Variants in AHSA1 observed in about 807,000 individuals in gnomAD.
AHSA1 encodes the protein activator of 90 kDa heat shock protein ATPase homolog 1.
Under a neutral mutation model 46.1 loss-of-function variants are expected in AHSA1, and 14 were observed. That is an observed-to-expected ratio of 0.30 (90% CI 0.20 to 0.47). The LOEUF (loss-of-function observed/expected upper bound fraction) is 0.47, where lower values mean the gene tolerates loss of function less well. Ranked by LOEUF, AHSA1 falls within the 20% of genes least tolerant of loss-of-function variation. The pLI, the probability that AHSA1 is intolerant of heterozygous loss-of-function variation, is 0.99. For synonymous variants in AHSA1, 147 were observed against 145.8 expected (o/e 1.01, Z -0.06); for missense variants, 333 against 415.9 (o/e 0.80, Z 1.73).
chr14:77,462,845 G>C, intron 4 of AHSA1, 86 bp downstream of exon 4: 10 of 1,127,896 alleles, frequency 8.9e-6, no homozygotes, highest in Non-Finnish European at 1.3e-5. Flanking sequence ...TCCTTTCTTT[G>C]GCAAATGGGT....
At chr14:77,466,938 T>C (rs1356940243) in intron 6 of AHSA1, among the ~76,000 whole-genome samples, 1 of 152,258 alleles carries the variant, frequency 6.6e-6, no homozygotes. Context: ...TTTCAGAGTT[T>C]TAAAATACTT....
In AHSA1 at chr14:77,462,581, A is replaced by G. The variant is rs1275328750; in HGVS notation, c.355-61A>G. The G allele has an allele frequency of 6.1e-6, 9 of 1,472,744 alleles. No homozygotes were observed. In the East Asian group the frequency reaches 2.0e-4, roughly 33 times the overall value. 91.2% of individuals were successfully genotyped at this position (1,472,744 alleles called of 1,614,324 possible). ...GCAGTCACCTGATTGCTCAGCCCCC[A>G]CATTCCATAATGAGGGTGCCCCTCA... On this transcript the variant is annotated intron_variant, in intron 3 of 8. Coordinates refer to ENST00000216479, the MANE Select transcript of AHSA1 (RefSeq NM_012111.3).
intron 4 of AHSA1, among the ~76,000 whole-genome samples, chr14:77,463,543 G>T (rs530761233): frequency 7.2e-6 from 1 of 138,336 alleles, no homozygotes; most frequent in Non-Finnish European, 1.5e-5. Flanking sequence ...CCAAGAACGC[G>T]CCATTGCACT....
chr14:77,459,006 G>A (rs1393775031), intron 1 of AHSA1, among the ~76,000 whole-genome samples: 3 of 152,188 alleles, frequency 2.0e-5, no homozygotes, highest in Admixed American at 2.0e-4. Context: ...TTGATAAGTA[G>A]GAAGGCAGAT....
At chr14:77,460,514 G>A (rs1197353137) in intron 2 of AHSA1, among the ~76,000 whole-genome samples, 3 of 151,014 alleles carry the variant, frequency 2.0e-5, no homozygotes, top group Non-Finnish European at 4.4e-5. Flanking sequence ...TGTTTTTAAA[G>A]TACACTCGAA....
chr14:77,461,335 C>A (rs1227431284), intron 2 of AHSA1, among the ~76,000 whole-genome samples: 1 of 152,092 alleles, frequency 6.6e-6, no homozygotes, highest in African/African-American at 2.4e-5. Context: ...TGGAGACACA[C>A]CTGGCCAACA....
At position 77,464,658 on chromosome 14, in the gene AHSA1, A is replaced by G. The variant is rs764105255; in HGVS notation, c.533A>G (p.Gln178Arg). 6.2e-7 allele frequency: 1 copy of G among 1,614,032 alleles called. No homozygotes were observed. The highest frequency in any genetic ancestry group is 8.5e-7 in the Non-Finnish European group (1 of 1,180,018). The stretch of plus-strand genomic sequence containing the variant: ...GGAGAGTCAGTAGACCCAGTGGGGC[A>G]GCCAGCACTGAAAACTGAGGAGCGC... Reference protein sequence around the residue: ...MNGESVDPVGQPALKTEERKA... With the variant: ...MNGESVDPVGRPALKTEERKA... The change falls in exon 5 of 9, where the codon CAG (glutamine) becomes CGG (arginine). Residue 178 changes from glutamine to arginine, a missense_variant. Physicochemically the swap from Gln to Arg is conservative, Grantham distance 43. Transcript: ENST00000216479.
rs1220908074 is a variant in AHSA1, at chr14:77,462,499, C to G, written c.355-143C>G. 6.1e-6 allele frequency: 5 copies of G among 824,894 alleles called. No homozygotes were observed. In the East Asian group the frequency reaches 9.8e-5, roughly 16 times the overall value. 51.1% of individuals were successfully genotyped at this position (824,894 alleles called of 1,614,324 possible). ...TTGACAGAGAGGACTCAAGAAGGAA[C>G]ACTAATGGGGATTGTACGAATACCG... is the stretch of plus-strand genomic sequence containing the variant. On this transcript the variant is annotated intron_variant, in intron 3 of 8. Transcript: ENST00000216479.
intron 4 of AHSA1, 29 bp from the exon 5 acceptor site, chr14:77,464,541 CTCCAGATCTCAGCTACTAAGAAGTAACT>C (rs2079039818): frequency 7.0e-7 from 1 of 1,436,582 alleles, no homozygotes; most frequent in Admixed American, 1.8e-5. Flanking sequence ...TGTAATGAAA[CTCCAGATCTCAGCTACTAAGAAGTAACT>C]TCCATGAGCT....
chr14:77,468,138 A>C lies in AHSA1; in HGVS notation c.746A>C (p.Lys249Thr). 6.4e-7 allele frequency: 1 copy of C among 1,566,578 alleles called. No individual in the cohort carries two copies. The highest frequency in any genetic ancestry group is 8.7e-7 in the Non-Finnish European group (1 of 1,154,446). ...ACATTAGAAGCAGACAGAGGTGGAA[A>C]GTTCCACATGGTAGATGGCAACGTC... Reference protein sequence around the residue: ...PATLEADRGGKFHMVDGNVSG... With the variant: ...PATLEADRGGTFHMVDGNVSG... The change falls in exon 7 of 9, where the codon AAG becomes ACG. Residue 249 changes from lysine to threonine, a missense_variant. Transcript: ENST00000216479.
intron 5 of AHSA1, 69 bp downstream of exon 5, chr14:77,464,755 A>G (rs1411326002): frequency 1.8e-5 from 24 of 1,361,018 alleles, no homozygotes; most frequent in South Asian, 5.0e-5. Flanking sequence ...TTAATTCCAC[A>G]TATCAGCTCT....
chr14:77,466,862 T>C (rs929972513), intron 6 of AHSA1, among the ~76,000 whole-genome samples: 6 of 152,268 alleles, frequency 3.9e-5, no homozygotes, highest in African/African-American at 1.2e-4. Flanking sequence ...GTGGTCTTCA[T>C]GTGAATTGAA....
rs779209793 is a variant in AHSA1 at position 77,468,049 on chromosome 14, CTCTTT to C, written c.691-32_691-28del. 4.0e-3 allele frequency: 2,867 copies of C among 716,378 alleles called. 1 individual carries two copies. Among genetic ancestry groups the C allele is most frequent in the East Asian group, 0.024 (483 of 19,768 alleles). 44.4% of individuals were successfully genotyped at this position (716,378 alleles called of 1,614,324 possible). On this transcript the variant is annotated intron_variant, in intron 6 of 8. Transcript: ENST00000216479. ...CCACTGAAAGCCATGTATCTTCTGCCTCTTTTTTTTTTTTTTTTTTTTTTTCCCTG... is the reference window on the plus strand; with the variant it reads ...CCACTGAAAGCCATGTATCTTCTGCCTTTTTTTTTTTTTTTTTTTTCCCTG...
At position 77,459,701 on chromosome 14, in the gene AHSA1, T is replaced by G. The variant is rs377223609; in HGVS notation, c.166T>G (p.Cys56Gly). The change falls in exon 2 of 9, where the codon TGT (cysteine) becomes GGT (glycine). Residue 56 changes from cysteine (C) to glycine (G), a missense_variant. Physicochemically the swap from Cys to Gly is radical, Grantham distance 159. Transcript: ENST00000216479. The part of the protein sequence containing the change: ...AVQVQNEEGK[C>G]EVTEVSKLDG... ...GCAGGTTCAAAATGAAGAAGGCAAG[T>G]GTGAGGTGACGGAAGTGAGTAAGCT... is the stretch of plus-strand genomic sequence containing the variant. The G allele has an allele frequency of 1.2e-6, 2 of 1,614,026 alleles. No homozygotes were observed. The highest frequency in any genetic ancestry group is 8.5e-7 in the Non-Finnish European group (1 of 1,180,030).
chr14:77,460,639 C>T (rs2079018119), intron 2 of AHSA1, among the ~76,000 whole-genome samples: 2 of 150,498 alleles, frequency 1.3e-5, no homozygotes, highest in South Asian at 4.2e-4. Flanking sequence ...GATCTTGGCT[C>T]ACTGCAACCT....
chr14:77,458,384 T>A, intron 1 of AHSA1, 115 bp downstream of exon 1: 1 of 1,073,760 alleles, frequency 9.3e-7, no homozygotes, highest in Non-Finnish European at 1.3e-6. Context: ...TGTCCGGAGA[T>A]GGGGGTGGGT....
At chr14:77,468,721 CTTTTTTTT>C (rs572116649) in intron 8 of AHSA1, 13 of 224,432 alleles carry the variant, frequency 5.8e-5, no homozygotes, top group Admixed American at 2.3e-4. Flanking sequence ...ACCATGCCAG[CTTTTTTTT>C]TTTTTTTTTT....
chr14:77,462,257 A>G lies in AHSA1; in HGVS notation c.354+15A>G. ...ATGAAGTGGAGGTTTGTGCTTCATAACTCCTAATCCGAGTCCTCTATATCC... is the reference window on the plus strand; with the variant it reads ...ATGAAGTGGAGGTTTGTGCTTCATAGCTCCTAATCCGAGTCCTCTATATCC... On this transcript the variant is annotated intron_variant, in intron 3 of 8. Coordinates refer to ENST00000216479, the MANE Select transcript of AHSA1 (RefSeq NM_012111.3). 3 of 1,606,302 alleles carry G rather than the reference A, an allele frequency of 1.9e-6. No individual in the cohort carries two copies. Among genetic ancestry groups the G allele is most frequent in the Non-Finnish European group, 2.6e-6 (3 of 1,172,902 alleles).
In AHSA1 at chr14:77,462,722, A is replaced by G. The variant is rs1281336828; in HGVS notation, c.435A>G (p.Arg145=). ...LMKEEGVKLL[R]EAMGIYISTL... is the part of the protein sequence containing the mutation. ...AGGAAGAAGGGGTGAAACTTCTAAGAGAAGCAATGGGAATTTACATCAGCA... is the reference window on the plus strand; with the variant it reads ...AGGAAGAAGGGGTGAAACTTCTAAGGGAAGCAATGGGAATTTACATCAGCA... The change falls in exon 4 of 9, where the codon AGA becomes AGG. Residue 145 remains arginine (R), a synonymous_variant. Coordinates refer to ENST00000216479, the MANE Select transcript of AHSA1 (RefSeq NM_012111.3). The G allele has an allele frequency of 6.2e-7, 1 of 1,614,162 alleles. No homozygotes were observed.
Sources: allele counts gnomAD v4.1 joint callset (sites outside exome capture counted in the v4.1 genomes callset), GRCh38; gene constraint gnomAD v4.1.1; transcripts MANE v1.5; gene names NCBI Gene and HGNC (gene_info 2026-07-23, HGNC 2026-07-21).